The following ARID1A variants were observed in gnomAD, a reference collection of about 807,000 sequenced individuals.
ARID1A encodes the protein AT-rich interactive domain-containing protein 1A.
Under a neutral mutation model 212.6 loss-of-function variants are expected in ARID1A, and 20 were observed. That is an observed-to-expected ratio of 0.09 (90% CI 0.07 to 0.14). The LOEUF (loss-of-function observed/expected upper bound fraction) is 0.14, where lower values mean the gene tolerates loss of function less well. ARID1A is among the 10% of genes least tolerant of loss of function. The pLI is 1.00. For synonymous variants in ARID1A, 1,376 were observed against 1,222.1 expected (o/e 1.13, Z -2.63); for missense variants, 2,587 against 3,059.0 (o/e 0.85, Z 3.64).
intron 1 of ARID1A, among the ~76,000 whole-genome samples, chr1:26,704,740 C>T (rs1046028947): frequency 2.0e-5 from 3 of 151,602 alleles, no homozygotes; most frequent in Admixed American, 6.6e-5. Context: ...TGCCTGTAGT[C>T]GCAGTTTACT....
chr1:26,738,778 C>G (rs1279843327), intron 4 of ARID1A, among the ~76,000 whole-genome samples: 5 of 151,556 alleles, frequency 3.3e-5, no homozygotes, highest in African/African-American at 1.2e-4. Context: ...AGGCTGGTTT[C>G]GAACTCCTGA....
chr1:26,775,027 T>C lies in ARID1A; in HGVS notation c.4800T>C (p.Ser1600=), dbSNP rs773152675. Residue 1600 remains serine, a synonymous_variant, in exon 18 of 20, where the codon TCT becomes TCC. Transcript: ENST00000324856. The stretch of plus-strand genomic sequence containing the variant: ...CCCGGCCAATGGAGAACCGCACCTC[T>C]CCTAGCAAGTCTCCATTCCTGCACT... The part of the protein sequence containing the change: ...PLPRPMENRT[S]PSKSPFLHSG... The C allele has an allele frequency of 2.5e-6, 4 of 1,605,178 alleles. No individual in the cohort carries two copies. In the Admixed American group the frequency reaches 6.8e-5, roughly 27 times the overall value.
chr1:26,730,373 T>A (rs926398333), intron 2 of ARID1A, among the ~76,000 whole-genome samples: 3 of 152,236 alleles, frequency 2.0e-5, no homozygotes, highest in Non-Finnish European at 2.9e-5. Flanking sequence ...CTTATCCATC[T>A]CTTTTTGTCG....
intron 1 of ARID1A, among the ~76,000 whole-genome samples, chr1:26,719,099 A>G (rs2080533051): frequency 6.6e-6 from 1 of 152,236 alleles, no homozygotes; most frequent in African/African-American, 2.4e-5. Flanking sequence ...TTGCCAGGCC[A>G]CTAGAGTTTC....
At position 26,773,712 on chromosome 1, in the gene ARID1A, G is replaced by A. The variant is rs2081106228; in HGVS notation, c.3999G>A (p.Gln1333=). Residue 1333 remains glutamine (Q), a synonymous_variant, in exon 16 of 20, where the codon CAG becomes CAA. Transcript: ENST00000324856. The part of the protein sequence containing the change: ...RYPPQQQQQQ[Q]QRHDSYGNQF... ...CCCCGCAGCAGCAGCAGCAGCAGCA[G>A]CAACGGTGAGTAAAGCCTGGTCTCG... is the stretch of plus-strand genomic sequence containing the variant. 2 of 1,614,172 alleles carry A rather than the reference G, an allele frequency of 1.2e-6. No homozygotes were observed. The highest frequency in any genetic ancestry group is 2.2e-5 in the South Asian group (2 of 91,080).
intron 9 of ARID1A, 31 bp from the exon 10 acceptor site, chr1:26,766,426 C>G (rs773976600): frequency 6.2e-7 from 1 of 1,613,868 alleles, no homozygotes; most frequent in Non-Finnish European, 8.5e-7. Flanking sequence ...GCTAAACTTA[C>G]TGGACTTGAG....
rs922813505 is a variant in ARID1A, at chr1:26,729,891, C to T, written c.1350+28C>T. ...AGATGGTGATTGTGATTACCTTGAC[C>T]CTTGTTGCTGTCCAAAATCTGATCT... On this transcript the variant is annotated intron_variant, in intron 2 of 19. Transcript: ENST00000324856. 1.9e-6 allele frequency: 3 copies of T among 1,603,038 alleles called. No individual in the cohort carries two copies. The African/African-American group carries it at 4.0e-5, about 21-fold the overall frequency.
chr1:26,724,079 A>G (rs897717536), intron 1 of ARID1A, among the ~76,000 whole-genome samples: 11 of 152,080 alleles, frequency 7.2e-5, no homozygotes, highest in Non-Finnish European at 1.5e-4. Flanking sequence ...CCAGGGATGC[A>G]TTTTTTTAAT....
chr1:26,780,872 T>C lies in ARID1A; in HGVS notation c.*116T>C. On this transcript the variant is annotated 3_prime_UTR_variant, in exon 20 of 20. Coordinates refer to ENST00000324856, the MANE Select transcript of ARID1A (RefSeq NM_006015.6). The surrounding 1 kb of genome is among the most constrained non-coding windows in gnomAD (Gnocchi z 7.2). ...TCAGAATCCAGTTTACCCTGTGCTG[T>C]CCAGCTTCTCCCTTGGGAAAAAGTC... 3 of 1,391,006 alleles carry C rather than the reference T, an allele frequency of 2.2e-6. No homozygotes were observed. Among genetic ancestry groups the C allele is most frequent in the Non-Finnish European group, 2.9e-6 (3 of 1,039,602 alleles). The allele number at this position is 1,391,006 out of a possible 1,614,324, so 86.2% of individuals were successfully genotyped here.
intron 1 of ARID1A, among the ~76,000 whole-genome samples, chr1:26,710,680 G>A: frequency 6.6e-6 from 1 of 152,142 alleles, no homozygotes; most frequent in Admixed American, 6.5e-5. Flanking sequence ...GTTCTAACAA[G>A]TCCTCTAGGC....
At chr1:26,752,239 A>T (rs2080891218) in intron 4 of ARID1A, among the ~76,000 whole-genome samples, 3 of 152,120 alleles carry the variant, frequency 2.0e-5, no homozygotes, top group African/African-American at 7.2e-5. Flanking sequence ...CTGTGTGTTG[A>T]TTCTTTCTTG....
At chr1:26,726,626 A>G (rs973843793) in intron 1 of ARID1A, among the ~76,000 whole-genome samples, 1 of 152,170 alleles carries the variant, frequency 6.6e-6, no homozygotes, top group Non-Finnish European at 1.5e-5. Flanking sequence ...ATGGCTAGAT[A>G]GTTTGATTTG....
chr1:26,720,627 C>T (rs1295594903), intron 1 of ARID1A, among the ~76,000 whole-genome samples: 1 of 152,084 alleles, frequency 6.6e-6, no homozygotes, highest in Non-Finnish European at 1.5e-5. Flanking sequence ...CCTATAATCC[C>T]AGCACTTTGG....
intron 4 of ARID1A, among the ~76,000 whole-genome samples, chr1:26,737,100 T>C (rs2080739864): frequency 6.6e-6 from 1 of 152,028 alleles, no homozygotes; most frequent in Non-Finnish European, 1.5e-5. Flanking sequence ...CAATGCCCTC[T>C]ACCTGTGCTT....
In ARID1A at chr1:26,761,099, A is replaced by C. The variant is rs2124057260; in HGVS notation, c.2161+3A>C. 2 of 1,613,810 alleles carry C rather than the reference A, an allele frequency of 1.2e-6. No homozygotes were observed. Among genetic ancestry groups the C allele is most frequent in the Non-Finnish European group, 1.7e-6 (2 of 1,179,834 alleles). On this transcript the variant is annotated splice_donor_region_variant and intron_variant, in intron 5 of 19. Transcript: ENST00000324856. ...ACTCTCGCCTGCTGCAGTGCCAGGT[A>C]CCCTCAAGTGCTGGGCTTTAGGGAG...
chr1:26,759,310 C>G (rs1159610648), intron 4 of ARID1A, among the ~76,000 whole-genome samples: 1 of 152,134 alleles, frequency 6.6e-6, no homozygotes, highest in Admixed American at 6.5e-5. Flanking sequence ...TTAAGTGATT[C>G]TCCCACCTCA....
intron 6 of ARID1A, 30 bp from the exon 7 acceptor site, chr1:26,762,122 A>G (rs545859494): frequency 3.8e-6 from 6 of 1,592,544 alleles, no homozygotes; most frequent in Admixed American, 1.8e-5. Context: ...GTATAAAGCT[A>G]ATAACTATAT....
At chr1:26,731,727 C>G in intron 3 of ARID1A, 123 bp downstream of exon 3, 1 of 1,071,860 alleles carries the variant, frequency 9.3e-7, no homozygotes, top group Non-Finnish European at 1.4e-6. Context: ...CAATTAAACT[C>G]TGGGTAAACA....
At chr1:26,735,466 T>C (rs1054549801) in intron 4 of ARID1A, among the ~76,000 whole-genome samples, 1 of 152,164 alleles carries the variant, frequency 6.6e-6, no homozygotes, top group Non-Finnish European at 1.5e-5. Flanking sequence ...GTAATTTTTG[T>C]ATTTTTAGTA....
Sources: allele counts gnomAD v4.1 joint callset (sites outside exome capture counted in the v4.1 genomes callset), GRCh38; gene constraint gnomAD v4.1.1; non-coding constraint Gnocchi (gnomAD v3.1); transcripts MANE v1.5; gene names NCBI Gene and HGNC (gene_info 2026-07-23, HGNC 2026-07-21).